The following SAMD3 variants were observed in gnomAD, a reference collection of about 807,000 sequenced individuals.
The protein encoded by SAMD3 is sterile alpha motif domain-containing protein 3.
In SAMD3, 63 loss-of-function variants were observed where a neutral mutation model predicts 58.5. The ratio of observed to expected loss-of-function variants is 1.08; its 90% CI spans 0.88 to 1.33. The LOEUF (loss-of-function observed/expected upper bound fraction) is 1.33. Among genes scored for constraint, SAMD3 ranks in the 40% most tolerant of loss-of-function variants. The probability of loss-of-function intolerance (pLI) is 0.00; values close to 1 mark genes in which losing one functional copy is unlikely to be tolerated. For synonymous variants in SAMD3, 220 were observed against 210.3 expected, an observed-to-expected ratio of 1.05 and a Z score of -0.40; for missense variants, 604 against 608.4, an observed-to-expected ratio of 0.99 and a Z score of 0.08.
intron 2 of SAMD3, among the ~76,000 whole-genome samples, chr6:130,290,982 T>C (rs1049352545): frequency 1.3e-5 from 2 of 152,222 alleles, no homozygotes; most frequent in Admixed American, 6.5e-5. Context: ...ACAGTCACAC[T>C]TTCAATATTC....
intron 1 of SAMD3, among the ~76,000 whole-genome samples, chr6:130,356,070 AT>A (rs1442071612): frequency 6.6e-6 from 1 of 152,134 alleles, no homozygotes; most frequent in Non-Finnish European, 1.5e-5. Flanking sequence ...GATTGTGAAA[AT>A]GCGAATCAGA....
At chr6:130,237,733 G>A (rs1773215859) in intron 2 of SAMD3, among the ~76,000 whole-genome samples, 1 of 152,086 alleles carries the variant, frequency 6.6e-6, no homozygotes, top group South Asian at 2.1e-4. Context: ...ACTCGTAAGT[G>A]TCTTAACCAA....
intron 2 of SAMD3, among the ~76,000 whole-genome samples, chr6:130,230,907 A>G (rs1317288496): frequency 6.6e-6 from 1 of 152,182 alleles, no homozygotes; most frequent in East Asian, 1.9e-4. Context: ...TACACCTGAA[A>G]ACTTCTGAGG....
chr6:130,143,844 C>T (rs1317173720), downstream of SAMD3: 1 of 152,346 alleles, frequency 6.6e-6, no homozygotes, highest in Non-Finnish European at 1.5e-5. Flanking sequence ...ACAGATAGAA[C>T]TGGACTCTGG....
At chr6:130,207,226 C>T (rs1184786014) in intron 5 of SAMD3, among the ~76,000 whole-genome samples, 2 of 151,278 alleles carry the variant, frequency 1.3e-5, no homozygotes, top group East Asian at 1.9e-4. Flanking sequence ...GTTGCATCCT[C>T]ATCTGCTGTG....
chr6:130,249,708 T>C (rs932242397), intron 2 of SAMD3, among the ~76,000 whole-genome samples: 1 of 152,248 alleles, frequency 6.6e-6, no homozygotes, highest in South Asian at 2.1e-4. Flanking sequence ...TAGTAAGCAA[T>C]GAGCTATGGG....
chr6:130,237,406 A>G (rs1773200147), intron 2 of SAMD3, among the ~76,000 whole-genome samples: 1 of 152,130 alleles, frequency 6.6e-6, no homozygotes, highest in African/African-American at 2.4e-5. Context: ...AGAACTTGGC[A>G]TTTTGTACTT....
intron 5 of SAMD3, among the ~76,000 whole-genome samples, chr6:130,193,962 A>G (rs1227928140): frequency 6.6e-6 from 1 of 151,160 alleles, no homozygotes; most frequent in African/African-American, 2.4e-5. Flanking sequence ...GGTCTTTCTA[A>G]TCTTCCTTTT....
intron 1 of SAMD3, among the ~76,000 whole-genome samples, chr6:130,319,369 T>TA (rs374093128): frequency 6.6e-6 from 1 of 151,658 alleles, no homozygotes; most frequent in South Asian, 2.1e-4. Flanking sequence ...TAAAACCAGT[T>TA]AAAAAAAGAA....
At chr6:130,243,598 A>G (rs1200256643) in intron 2 of SAMD3, among the ~76,000 whole-genome samples, 1 of 152,246 alleles carries the variant, frequency 6.6e-6, no homozygotes, top group East Asian at 1.9e-4. Context: ...GCAAAGTTAC[A>G]TAACTATTAA....
chr6:130,350,209 A>G (rs189448055), intron 1 of SAMD3, among the ~76,000 whole-genome samples: 2 of 152,326 alleles, frequency 1.3e-5, no homozygotes, highest in African/African-American at 4.8e-5. Flanking sequence ...ATAGTGTTAG[A>G]AGTTCTGGGC....
At chr6:130,256,294 G>C (rs1471907709) in intron 2 of SAMD3, among the ~76,000 whole-genome samples, 4 of 151,636 alleles carry the variant, frequency 2.6e-5, no homozygotes, top group African/African-American at 7.3e-5. Flanking sequence ...TCTGCAACTA[G>C]GACTTTTATA....
intron 1 of SAMD3, among the ~76,000 whole-genome samples, chr6:130,219,352 A>G (rs1277673744): frequency 6.6e-6 from 1 of 151,790 alleles, no homozygotes; most frequent in African/African-American, 2.4e-5. Context: ...TTTTATTTTC[A>G]TAGGTTATTG....
intron 2 of SAMD3, among the ~76,000 whole-genome samples, chr6:130,237,290 A>G (rs1170486593): frequency 6.6e-6 from 1 of 152,132 alleles, no homozygotes. Context: ...TTTTGAACAC[A>G]TATTTTAGTT....
intron 1 of SAMD3, among the ~76,000 whole-genome samples, chr6:130,344,140 C>T (rs1029623507): frequency 6.6e-5 from 10 of 152,102 alleles, no homozygotes; most frequent in African/African-American, 1.9e-4. Context: ...GAGTAACAAA[C>T]GTTCACTGCA....
chr6:130,252,632 T>A (rs1583009262), intron 2 of SAMD3, among the ~76,000 whole-genome samples: 1 of 152,172 alleles, frequency 6.6e-6, no homozygotes, highest in South Asian at 2.1e-4. Context: ...CAACACTAGC[T>A]AAGAAAACAC....
intron 2 of SAMD3, among the ~76,000 whole-genome samples, chr6:130,304,510 T>C (rs1775850845): frequency 6.6e-6 from 1 of 152,198 alleles, no homozygotes; most frequent in Non-Finnish European, 1.5e-5. Context: ...CTTCTCTCTT[T>C]AGTTCCACTG....
chr6:130,200,385 C>CAAA (rs397781904), intron 5 of SAMD3, among the ~76,000 whole-genome samples: 3 of 140,778 alleles, frequency 2.1e-5, no homozygotes, highest in Non-Finnish European at 3.1e-5. Context: ...ACTAAAAATA[C>CAAA]AAAAAAAAAA....
At chr6:130,322,498 A>G (rs1366211170) in intron 1 of SAMD3, among the ~76,000 whole-genome samples, 1 of 152,184 alleles carries the variant, frequency 6.6e-6, no homozygotes, top group Non-Finnish European at 1.5e-5. Flanking sequence ...GTAGCCGGGC[A>G]TGGTGACACA....
Sources: allele counts gnomAD v4.1 joint callset (sites outside exome capture counted in the v4.1 genomes callset), GRCh38; gene constraint gnomAD v4.1.1; transcripts MANE v1.5; gene names NCBI Gene and HGNC (gene_info 2026-07-23, HGNC 2026-07-21).